The following LRRC7 variants were observed in gnomAD, a reference collection of about 807,000 sequenced individuals.
The protein encoded by LRRC7 is leucine-rich repeat-containing protein 7.
A neutral mutation model predicts 175.7 loss-of-function variants in LRRC7; 23 were observed. The ratio of observed to expected loss-of-function variants is 0.13; its 90% CI spans 0.09 to 0.19. The LOEUF (loss-of-function observed/expected upper bound fraction) is 0.19, where lower values mean the gene tolerates loss of function less well. LRRC7 is among the 10% of genes least tolerant of loss of function. LRRC7 has a pLI of 1.00. For missense variants in LRRC7, 1,354 were observed against 1,904.7 expected (o/e 0.71, Z 5.38); for synonymous variants, 685 against 680.9 (o/e 1.01, Z -0.09).
chr1:69,985,029 G>C (rs1351759779), intron 9 of LRRC7, among the ~76,000 whole-genome samples: 3 of 152,076 alleles, frequency 2.0e-5, no homozygotes, highest in African/African-American at 4.8e-5. Context: ...CCAGGTACAG[G>C]TTCTCTTCTT....
chr1:69,873,632 T>C (rs1308410454), intron 7 of LRRC7: 8 of 412,304 alleles, frequency 1.9e-5, no homozygotes, highest in South Asian at 1.9e-5. Context: ...AACTATATTA[T>C]GAAACCAAAC....
chr1:70,091,806 C>T (rs1050249804), intron 25 of LRRC7, among the ~76,000 whole-genome samples: 6 of 152,054 alleles, frequency 3.9e-5, no homozygotes, highest in African/African-American at 7.2e-5. Context: ...TTGTATAATG[C>T]GTCCATTGAA....
chr1:70,075,992 G>T (rs1662741572), intron 23 of LRRC7, 85 bp from the exon 24 acceptor site: 3 of 1,413,980 alleles, frequency 2.1e-6, no homozygotes, highest in Non-Finnish European at 3.0e-6. Context: ...CGCTTTACCA[G>T]AGAGGTATTC....
At chr1:70,096,499 G>C (rs1316327885) in intron 25 of LRRC7, among the ~76,000 whole-genome samples, 1 of 151,736 alleles carries the variant, frequency 6.6e-6, no homozygotes, top group Non-Finnish European at 1.5e-5. Flanking sequence ...CCTCTCTAGT[G>C]TGGAATTAAA....
At chr1:69,707,477 CCT>C (rs1420664139) in intron 2 of LRRC7, among the ~76,000 whole-genome samples, 2 of 152,170 alleles carry the variant, frequency 1.3e-5, no homozygotes, top group East Asian at 1.9e-4. Context: ...CCTTTCCTTC[CCT>C]GTTTTATTTC....
At chr1:69,930,585 T>C (rs1647270208) in intron 7 of LRRC7, among the ~76,000 whole-genome samples, 1 of 152,196 alleles carries the variant, frequency 6.6e-6, no homozygotes, top group East Asian at 1.9e-4. Context: ...GGAGTGCACT[T>C]GGGTTCCCTG....
intron 18 of LRRC7, among the ~76,000 whole-genome samples, chr1:70,035,572 G>A (rs2102016229): frequency 7.1e-6 from 1 of 141,214 alleles, no homozygotes; most frequent in Admixed American, 7.3e-5. Context: ...GAAAGCGGTG[G>A]GAAGAGCAGG....
intron 7 of LRRC7, among the ~76,000 whole-genome samples, chr1:69,902,639 G>C (rs1381741130): frequency 1.3e-5 from 2 of 152,056 alleles, no homozygotes; most frequent in African/African-American, 4.8e-5. Flanking sequence ...TAGTACAAAA[G>C]TAAAGAGACT....
At chr1:69,970,170 C>T (rs1369904387) in intron 8 of LRRC7, among the ~76,000 whole-genome samples, 2 of 152,050 alleles carry the variant, frequency 1.3e-5, no homozygotes, top group Non-Finnish European at 2.9e-5. Context: ...ACACCTTCAT[C>T]AAAAAGTCTA....
At chr1:69,733,525 GT>G (rs1667800322) in intron 2 of LRRC7, among the ~76,000 whole-genome samples, 9 of 151,966 alleles carry the variant, frequency 5.9e-5, no homozygotes, top group Admixed American at 2.6e-4. Context: ...ATTCATCTTT[GT>G]TAGCTACAAG....
chr1:69,975,699 C>T (rs1652744421), intron 8 of LRRC7, among the ~76,000 whole-genome samples: 1 of 152,164 alleles, frequency 6.6e-6, no homozygotes, highest in African/African-American at 2.4e-5. Context: ...CCTACTTCAT[C>T]AAGAAAATTT....
At chr1:69,705,619 GGTAA>G (rs1281393889) in intron 2 of LRRC7, among the ~76,000 whole-genome samples, 1 of 152,048 alleles carries the variant, frequency 6.6e-6, no homozygotes, top group East Asian at 1.9e-4. Context: ...AGAGAAGAGT[GGTAA>G]GTGAGGATGG....
At chr1:69,783,202 G>A (rs1361106591) in intron 3 of LRRC7, among the ~76,000 whole-genome samples, 1 of 152,052 alleles carries the variant, frequency 6.6e-6, no homozygotes, top group East Asian at 1.9e-4. Flanking sequence ...CTTCTACTCA[G>A]AAAACAACCC....
At chr1:69,696,474 A>G (rs76237653) in intron 2 of LRRC7, among the ~76,000 whole-genome samples, 20,049 of 152,164 alleles carry the variant, frequency 0.13, 1,700 homozygotes, top group South Asian at 0.21. Flanking sequence ...CTTTTGAATG[A>G]TGCTGGAATT....
At position 70,020,983 on chromosome 1, in the gene LRRC7, A is replaced by C. The variant is rs1329280611; in HGVS notation, c.1421-22A>C. ...AAAATTGTTTTTTAAAAAAACAATA[A>C]TACTTTGGAATCTAACTGTAGATTT... On this transcript the variant is annotated intron_variant, in intron 15 of 26. Coordinates refer to ENST00000651989, the MANE Select transcript of LRRC7 (RefSeq NM_001370785.2). 2.5e-6 allele frequency: 4 copies of C among 1,586,328 alleles called. No individual in the cohort carries two copies. In the Admixed American group the frequency reaches 7.4e-5, roughly 29 times the overall value.
chr1:69,903,105 T>C (rs1646185656), intron 7 of LRRC7, among the ~76,000 whole-genome samples: 2 of 152,180 alleles, frequency 1.3e-5, no homozygotes, highest in Admixed American at 1.3e-4. Context: ...TGGCAAAAAG[T>C]TATTCCTGGT....
At chr1:69,796,989 G>C (rs972334594) in intron 4 of LRRC7, among the ~76,000 whole-genome samples, 1 of 151,986 alleles carries the variant, frequency 6.6e-6, no homozygotes, top group Non-Finnish European at 1.5e-5. Flanking sequence ...TGACTAGATT[G>C]TGAGACCCTT....
intron 26 of LRRC7, among the ~76,000 whole-genome samples, chr1:70,110,930 G>GA (rs995831030): frequency 3.9e-5 from 6 of 152,028 alleles, no homozygotes; most frequent in African/African-American, 1.2e-4. Flanking sequence ...AGAATGCTGG[G>GA]AAAAAATGGG....
At chr1:69,698,596 C>T (rs1045644283) in intron 2 of LRRC7, among the ~76,000 whole-genome samples, 1 of 152,208 alleles carries the variant, frequency 6.6e-6, no homozygotes, top group Non-Finnish European at 1.5e-5. Flanking sequence ...TTCCTCACCC[C>T]TGCAACCAGG....
Sources: allele counts gnomAD v4.1 joint callset (sites outside exome capture counted in the v4.1 genomes callset), GRCh38; gene constraint gnomAD v4.1.1; transcripts MANE v1.5; gene names NCBI Gene and HGNC (gene_info 2026-07-23, HGNC 2026-07-21).